The following ALOX5 variants were observed in gnomAD, a reference collection of about 807,000 sequenced individuals.
ALOX5 encodes the protein polyunsaturated fatty acid 5-lipoxygenase.
Under a neutral mutation model 87.9 loss-of-function variants are expected in ALOX5, and 64 were observed. That is an observed-to-expected ratio of 0.73 (90% CI 0.60 to 0.90). The LOEUF is 0.90. Ranked by LOEUF, ALOX5 falls within the 40% of genes least tolerant of loss-of-function variation. ALOX5 has a pLI of 0.00. For missense variants in ALOX5, 822 were observed against 907.5 expected (o/e 0.91, Z 1.21); for synonymous variants, 388 against 355.1 (o/e 1.09, Z -1.04).
At chr10:45,375,523 T>C (rs1363924168) in intron 1 of ALOX5, among the ~76,000 whole-genome samples, 1 of 152,206 alleles carries the variant, frequency 6.6e-6, no homozygotes, top group East Asian at 1.9e-4. Context: ...TTCTCACCAT[T>C]TAGTTTATTA....
rs773224245 is a variant in ALOX5 at position 45,443,427 on chromosome 10, A to T, written c.1463A>T (p.Glu488Val). The T allele has an allele frequency of 6.2e-7, 1 of 1,606,618 alleles. No individual in the cohort carries two copies. The highest frequency in any genetic ancestry group is 8.5e-7 in the Non-Finnish European group (1 of 1,176,932). ...GCCCCCTGAGCCAGGTTCACGGCCGAGGTGGTAGACATCTACTACGAGGGC... is the reference window on the plus strand; with the variant it reads ...GCCCCCTGAGCCAGGTTCACGGCCGTGGTGGTAGACATCTACTACGAGGGC... ...VWEAIRTFTA[E>V]VVDIYYEGDQ... Residue 488 changes from glutamate to valine, a missense_variant, in exon 11 of 14, where the codon GAG becomes GTG. By Grantham distance (121) the Glu-to-Val change is moderately radical (BLOSUM62 -2). Coordinates refer to ENST00000374391, the MANE Select transcript of ALOX5 (RefSeq NM_000698.5).
At chr10:45,395,958 AG>A in intron 3 of ALOX5, 22 bp downstream of exon 3, 2 of 1,610,072 alleles carry the variant, frequency 1.2e-6, no homozygotes, top group Non-Finnish European at 8.5e-7. Context: ...CATCAGATCG[AG>A]TGGCCACGGG....
intron 13 of ALOX5, chr10:45,444,527 G>A (rs963921377): frequency 2.1e-6 from 1 of 486,430 alleles, no homozygotes; most frequent in Non-Finnish European, 3.5e-6. Flanking sequence ...TGTCACCAGA[G>A]GGTCGTGTGT....
rs748263035 is a variant in ALOX5 at position 45,374,305 on chromosome 10, C to T, written c.26C>T (p.Ala9Val). ...ATGCCCTCCTACACGGTCACCGTGG[C>T]CACTGGCAGCCAGTGGTTCGCCGGC... is the stretch of plus-strand genomic sequence containing the variant. MPSYTVTV[A>V]TGSQWFAGTD... The change falls in exon 1 of 14, where the codon GCC becomes GTC. Residue 9 changes from alanine (A) to valine (V), a missense_variant. By Grantham distance (64) the Ala-to-Val change is moderately conservative. Transcript: ENST00000374391. The T allele has an allele frequency of 6.6e-7, 1 of 1,518,270 alleles. No homozygotes were observed. The highest frequency in any genetic ancestry group is 1.2e-5 in the South Asian group (1 of 81,392). 94.0% of individuals were successfully genotyped at this position (1,518,270 alleles called of 1,614,324 possible).
At chr10:45,434,374 G>C (rs891563888) in intron 7 of ALOX5, among the ~76,000 whole-genome samples, 10 of 152,216 alleles carry the variant, frequency 6.6e-5, no homozygotes, top group Non-Finnish European at 1.2e-4. Context: ...ACAAATGTGT[G>C]TGGGTAGCAA....
chr10:45,420,321 A>G (rs137882665), intron 4 of ALOX5, among the ~76,000 whole-genome samples: 1,668 of 152,364 alleles, frequency 0.011, 13 homozygotes, highest in Middle Eastern at 0.027. Context: ...GAAAATTTCA[A>G]TTTTATTTGC....
At chr10:45,379,722 A>T (rs1036836312) in intron 1 of ALOX5, among the ~76,000 whole-genome samples, 1 of 152,098 alleles carries the variant, frequency 6.6e-6, no homozygotes, top group Non-Finnish European at 1.5e-5. Context: ...GCCACCCAGG[A>T]TGGTGTCATT....
intron 5 of ALOX5, 102 bp downstream of exon 5, chr10:45,424,249 C>A: frequency 1.0e-6 from 1 of 1,004,448 alleles, no homozygotes; most frequent in Non-Finnish European, 1.6e-6. Context: ...CTGCCTGCTG[C>A]AGCATGGGGG....
chr10:45,380,382 C>A (rs914759012), intron 1 of ALOX5, among the ~76,000 whole-genome samples: 2 of 152,230 alleles, frequency 1.3e-5, no homozygotes, highest in Non-Finnish European at 2.9e-5. Flanking sequence ...TTTCTGACCA[C>A]AAGCGTCTGG....
chr10:45,415,293 G>T (rs1359896995), intron 4 of ALOX5, among the ~76,000 whole-genome samples: 1 of 152,198 alleles, frequency 6.6e-6, no homozygotes, highest in African/African-American at 2.4e-5. Context: ...CAGGGACATG[G>T]ATGAAGCTGG....
chr10:45,444,134 A>T lies in ALOX5; in HGVS notation c.1693A>T (p.Ile565Phe). Reference sequence around the variant, plus strand: ...TCCGCAGTACGACTGGTGCTCCTGGATCCCCAATGCGCCCCCAACCATGCG... The same window carrying T: ...TCCGCAGTACGACTGGTGCTCCTGGTTCCCCAATGCGCCCCCAACCATGCG... Reference protein sequence around the residue: ...NFGQYDWCSWIPNAPPTMRAP... With the variant: ...NFGQYDWCSWFPNAPPTMRAP... The change falls in exon 13 of 14, where the codon ATC becomes TTC. Residue 565 changes from isoleucine (I) to phenylalanine (F), a missense_variant. Transcript: ENST00000374391. 2 of 1,547,318 alleles carry T rather than the reference A, an allele frequency of 1.3e-6. No individual in the cohort carries two copies. The highest frequency in any genetic ancestry group is 1.7e-6 in the Non-Finnish European group (2 of 1,144,440).
At chr10:45,413,546 C>T (rs577568550) in intron 4 of ALOX5, among the ~76,000 whole-genome samples, 1 of 152,204 alleles carries the variant, frequency 6.6e-6, no homozygotes, top group African/African-American at 2.4e-5. Context: ...ACAGGGATGC[C>T]CTCTCTCACC....
chr10:45,415,936 A>C (rs1841275014), intron 4 of ALOX5, among the ~76,000 whole-genome samples: 1 of 152,162 alleles, frequency 6.6e-6, no homozygotes, highest in Non-Finnish European at 1.5e-5. Flanking sequence ...ATTGGGGTCC[A>C]AAGATTTTCA....
chr10:45,414,823 C>G (rs574145837), intron 4 of ALOX5, among the ~76,000 whole-genome samples: 1 of 152,222 alleles, frequency 6.6e-6, no homozygotes, highest in Non-Finnish European at 1.5e-5. Context: ...AGCCAATAGA[C>G]ACATGAAGAA....
rs1842341203 is a variant in ALOX5 at position 45,443,934 on chromosome 10, C to T, written c.1674+106C>T. The T allele has an allele frequency of 4.8e-6, 7 of 1,451,868 alleles. No individual in the cohort carries two copies. The South Asian group carries it at 6.2e-5, about 13-fold the overall frequency. The allele number at this position is 1,451,868 out of a possible 1,614,324, so 89.9% of individuals were successfully genotyped here. On this transcript the variant is annotated intron_variant, in intron 12 of 13. Transcript: ENST00000374391. ...CTGCACCCTCGGACAGCCTCGGGGC[C>T]TGGCACGGGACTTGCAGGATGGATT...
At chr10:45,422,867 T>A (rs2132799540) in intron 4 of ALOX5, among the ~76,000 whole-genome samples, 1 of 152,294 alleles carries the variant, frequency 6.6e-6, no homozygotes, top group East Asian at 1.9e-4. Context: ...TGCCAGCCAA[T>A]CCACTTGCTG....
intron 1 of ALOX5, 130 bp downstream of exon 1, chr10:45,374,559 G>A (rs1839516761): frequency 2.2e-6 from 2 of 907,138 alleles, no homozygotes; most frequent in South Asian, 2.9e-5. Context: ...GGGTGTCCAG[G>A]ACCCTGTCAG....
At chr10:45,410,482 C>T (rs185393149) in intron 3 of ALOX5, among the ~76,000 whole-genome samples, 1 of 152,246 alleles carries the variant, frequency 6.6e-6, no homozygotes, top group Non-Finnish European at 1.5e-5. Flanking sequence ...TGACAAAATG[C>T]CTTTGCTGTC....
intron 3 of ALOX5, among the ~76,000 whole-genome samples, chr10:45,396,347 T>G (rs979043801): frequency 1.3e-5 from 1 of 75,608 alleles, no homozygotes; most frequent in African/African-American, 7.4e-5. Flanking sequence ...AAATGAGCAA[T>G]AAGAGAAAAT....
Sources: allele counts gnomAD v4.1 joint callset (sites outside exome capture counted in the v4.1 genomes callset), GRCh38; gene constraint gnomAD v4.1.1; transcripts MANE v1.5; gene names NCBI Gene and HGNC (gene_info 2026-07-23, HGNC 2026-07-21).